BPHL: variants seen among roughly 807,000 people sequenced by gnomAD.
The protein encoded by BPHL is serine hydrolase BPHL.
Under a neutral mutation model 31.2 loss-of-function variants are expected in BPHL, and 27 were observed. The observed-to-expected ratio is 0.87, with a 90% CI of 0.64 to 1.19. BPHL has a LOEUF of 1.19. BPHL is among the 50% of genes most tolerant of loss of function. The pLI is 0.00. For synonymous variants in BPHL, 150 were observed against 146.8 expected (o/e 1.02, Z -0.16); for missense variants, 356 against 375.7 (o/e 0.95, Z 0.43).
rs773146154 is a variant in BPHL, at chr6:3,129,037, G to T, written c.379-8G>T. The T allele has an allele frequency of 1.1e-5, 18 of 1,614,272 alleles. 1 individual carries two copies. The Admixed American group carries it at 2.3e-4, about 21-fold the overall frequency. On this transcript the variant is annotated splice_region_variant and splice_polypyrimidine_tract_variant and intron_variant, in intron 3 of 6. Coordinates refer to ENST00000380379, the MANE Select transcript of BPHL (RefSeq NM_004332.4). Reference sequence around the variant, plus strand: ...ACCCGTGCCGTGCATTTTGTCGTATGATCATAGGCGCTGAAGTTTAAGAAG... The same window carrying T: ...ACCCGTGCCGTGCATTTTGTCGTATTATCATAGGCGCTGAAGTTTAAGAAG...
Position 3,127,366 on chromosome 6 carries a change from C to A in BPHL, c.336C>A (p.Asp112Glu). Residue 112 changes from aspartate (D) to glutamate (E), a missense_variant, in exon 3 of 7, where the codon GAC (aspartate) becomes GAA (glutamate). Asp to Glu is a conservative substitution (Grantham distance 45). Coordinates refer to ENST00000380379, the MANE Select transcript of BPHL (RefSeq NM_004332.4). ...CCCCAGATCGCGATTTCCCAGCAGACTTTTTTGAAAGGGATGCAAAAGATG... is the reference window on the plus strand; with the variant it reads ...CCCCAGATCGCGATTTCCCAGCAGAATTTTTTGAAAGGGATGCAAAAGATG... Reference protein sequence around the residue: ...SRPPDRDFPADFFERDAKDAV... With the variant: ...SRPPDRDFPAEFFERDAKDAV... 6.2e-7 allele frequency: 1 copy of A among 1,607,228 alleles called. No individual in the cohort carries two copies. The highest frequency in any genetic ancestry group is 8.5e-7 in the Non-Finnish European group (1 of 1,175,764).
chr6:3,120,090 A>T (rs995577024), intron 1 of BPHL, among the ~76,000 whole-genome samples: 1 of 151,654 alleles, frequency 6.6e-6, no homozygotes, highest in African/African-American at 2.4e-5. Context: ...GCTGGAGTGC[A>T]GTGTTGTGAT....
chr6:3,123,479 G>C (rs928665966), intron 1 of BPHL, among the ~76,000 whole-genome samples, 178 bp from the exon 2 acceptor site: 1 of 152,170 alleles, frequency 6.6e-6, no homozygotes, highest in East Asian at 1.9e-4. Flanking sequence ...TTTGTGTTGG[G>C]AACATTCAGT....
At position 3,129,916 on chromosome 6, in the gene BPHL, C is replaced by T. The variant is rs545808703; in HGVS notation, c.532+718C>T. On this transcript the variant is annotated intron_variant, in intron 4 of 6. Transcript: ENST00000380379. The stretch of plus-strand genomic sequence containing the variant: ...CTTCCTCCTGGATTCAAGCGATTCT[C>T]CTGCCTCACCCTCCCAAGTAGCTGG... 2.4e-4 allele frequency among the ~76,000 whole-genome samples: 37 copies of T among 151,478 alleles called. 1 individual carries two copies. In the South Asian group the frequency reaches 7.7e-3, roughly 32 times the overall value.
chr6:3,133,230 G>A (rs1761920535), intron 4 of BPHL, among the ~76,000 whole-genome samples: 1 of 147,010 alleles, frequency 6.8e-6, no homozygotes, highest in African/African-American at 2.7e-5. Flanking sequence ...GCAGCTCACT[G>A]CACTCTTCTC....
At position 3,137,367 on chromosome 6, in the gene BPHL, C is replaced by T. The variant is rs756405772; in HGVS notation, c.538C>T (p.Arg180Ter). 100 of 1,611,614 alleles carry T rather than the reference C, an allele frequency of 6.2e-5. No homozygotes were observed. In the South Asian group the frequency reaches 8.8e-4, roughly 14 times the overall value. Residue 180 changes from arginine to a stop codon, truncating the protein, a stop_gained, in exon 5 of 7, where the codon CGA (arginine) becomes TGA (stop). Transcript: ENST00000380379. LOFTEE classifies it high-confidence loss of function. ...CCTACACTTCTGTTTTTCAGGCATC[C>T]GAGATGTTTCCAAATGGAGTGAGAG... The part of the protein sequence containing the change: ...DEDSMIYEGI[R>*]DVSKWSERTR...
chr6:3,122,066 T>G (rs1405542090), intron 1 of BPHL, among the ~76,000 whole-genome samples: 1 of 151,814 alleles, frequency 6.6e-6, no homozygotes, highest in Non-Finnish European at 1.5e-5. Context: ...GATCACGAGG[T>G]CAGGAGATTG....
chr6:3,140,310 C>T lies in BPHL; in HGVS notation c.665-76C>T. On this transcript the variant is annotated intron_variant, in intron 5 of 6. Transcript: ENST00000380379. The surrounding 1 kb of genome is among the most constrained non-coding windows in gnomAD (Gnocchi z 5.2). ...AACTGAGGGCCAAGGAGGGGCAGGG[C>T]TCGCCGAGTTTCGCCTCCTCTGACC... The T allele has an allele frequency of 6.4e-7, 1 of 1,566,272 alleles. No individual in the cohort carries two copies. Among genetic ancestry groups the T allele is most frequent in the African/African-American group, 1.4e-5 (1 of 73,684 alleles).
intron 6 of BPHL, among the ~76,000 whole-genome samples, chr6:3,141,798 A>AC (rs988673816): frequency 3.4e-4 from 51 of 151,566 alleles, no homozygotes; most frequent in Middle Eastern, 3.4e-3. Context: ...ACATGGCGAA[A>AC]CCCCATCTGT....
intron 4 of BPHL, among the ~76,000 whole-genome samples, chr6:3,134,028 T>C (rs1413821346): frequency 6.6e-6 from 1 of 152,246 alleles, no homozygotes; most frequent in Non-Finnish European, 1.5e-5. Flanking sequence ...GGGTGTAAGA[T>C]ATTATCTTAT....
At chr6:3,126,921 ATTTTTT>A (rs34930913) in intron 2 of BPHL, 3 of 100,148 alleles carry the variant, frequency 3.0e-5, no homozygotes, top group African/African-American at 8.2e-5. Flanking sequence ...GCCCGGCTAC[ATTTTTT>A]TTTTTTTTTT....
intron 2 of BPHL, 28 bp downstream of exon 2, chr6:3,123,788 T>C (rs766414439): frequency 1.9e-6 from 3 of 1,576,146 alleles, no homozygotes; most frequent in South Asian, 2.3e-5. Context: ...TGGAATGTTT[T>C]TGCATGCTGT....
chr6:3,132,968 T>C (rs1581471205), intron 4 of BPHL, among the ~76,000 whole-genome samples: 2 of 152,232 alleles, frequency 1.3e-5, no homozygotes, highest in African/African-American at 4.8e-5. Context: ...ATTCAGTCTG[T>C]CTAATACTGA....
intron 4 of BPHL, among the ~76,000 whole-genome samples, chr6:3,134,934 G>A (rs1161391749): frequency 6.6e-6 from 1 of 151,608 alleles, no homozygotes; most frequent in Non-Finnish European, 1.5e-5. Context: ...ACGGGGTTCC[G>A]CCACATTGCC....
chr6:3,146,023 C>T (rs1297136210), intron 6 of BPHL, among the ~76,000 whole-genome samples: 3 of 2,950 alleles, frequency 1.0e-3, no homozygotes, highest in East Asian at 0.013. Flanking sequence ...GGTTCGGGTC[C>T]GAGTGCTGGT....
At chr6:3,144,455 G>A (rs115477239) in intron 6 of BPHL, among the ~76,000 whole-genome samples, 11,273 of 147,772 alleles carry the variant, frequency 0.076, 582 homozygotes, top group Non-Finnish European at 0.11. Flanking sequence ...GTGTGATCAC[G>A]GCTCATTGCA....
intron 2 of BPHL, among the ~76,000 whole-genome samples, chr6:3,125,321 A>G (rs1761684822): frequency 6.6e-6 from 1 of 152,154 alleles, no homozygotes; most frequent in African/African-American, 2.4e-5. Context: ...CTGGGATTAC[A>G]GGCATGAGCC....
chr6:3,146,709 G>A (rs1481199794), intron 6 of BPHL, among the ~76,000 whole-genome samples: 1 of 146,658 alleles, frequency 6.8e-6, no homozygotes, highest in Non-Finnish European at 1.5e-5. Context: ...ATTTGGGTCG[G>A]AGTGCTGGTT....
At chr6:3,125,903 C>T (rs1016193380) in intron 2 of BPHL, among the ~76,000 whole-genome samples, 1 of 152,208 alleles carries the variant, frequency 6.6e-6, no homozygotes, top group Admixed American at 6.5e-5. Flanking sequence ...TCATTTGTGG[C>T]CTGAGGTAGA....
Sources: allele counts gnomAD v4.1 joint callset (sites outside exome capture counted in the v4.1 genomes callset), GRCh38; gene constraint gnomAD v4.1.1; non-coding constraint Gnocchi (gnomAD v3.1); transcripts MANE v1.5; gene names NCBI Gene and HGNC (gene_info 2026-07-23, HGNC 2026-07-21).